The following CPEB3 variants were observed in gnomAD, a reference collection of about 807,000 sequenced individuals.
CPEB3 encodes cytoplasmic polyadenylation element-binding protein 3.
A neutral mutation model predicts 67.2 loss-of-function variants in CPEB3; 20 were observed. The ratio of observed to expected loss-of-function variants is 0.30; its 90% CI spans 0.21 to 0.43. The LOEUF (loss-of-function observed/expected upper bound fraction) is 0.43, where lower values mean the gene tolerates loss of function less well. Ranked by LOEUF, CPEB3 falls within the 20% of genes least tolerant of loss-of-function variation. The pLI is 1.00. For missense variants in CPEB3, 746 were observed against 968.6 expected, an observed-to-expected ratio of 0.77 and a Z score of 3.05; for synonymous variants, 376 against 393.1, an observed-to-expected ratio of 0.96 and a Z score of 0.51.
rs1443996026 is a variant in CPEB3 at position 92,049,441 on chromosome 10, T to C, written c.*2771A>G. 6.6e-6 allele frequency: 1 copy of C among 152,530 alleles called. No individual in the cohort carries two copies. The highest frequency in any genetic ancestry group is 1.9e-4 in the East Asian group (1 of 5,196). The allele number at this position is 152,530 out of a possible 1,614,324, so 9.4% of individuals were successfully genotyped here. The stretch of plus-strand genomic sequence containing the variant: ...TTTTTTGAAGGACCCTCTCTTTTAA[T>C]ATAACATTAACAACTTGGGGGCACA... On this transcript the variant is annotated 3_prime_UTR_variant, in exon 10 of 10. Transcript: ENST00000265997.
chr10:92,243,422 T>A (rs1267698716), intron 1 of CPEB3: 1 of 152,138 alleles, frequency 6.6e-6, no homozygotes, highest in Non-Finnish European at 1.5e-5. Context: ...GTGTCCTGAT[T>A]ACATTATATC....
At chr10:92,235,036 T>C (rs1851460790) in intron 2 of CPEB3, among the ~76,000 whole-genome samples, 2 of 152,244 alleles carry the variant, frequency 1.3e-5, no homozygotes, top group African/African-American at 4.8e-5. Context: ...TGTAAAGTGC[T>C]TGGCACAGGG....
intron 4 of CPEB3, among the ~76,000 whole-genome samples, chr10:92,155,718 T>G (rs372402718): frequency 2.0e-5 from 3 of 152,280 alleles, no homozygotes; most frequent in South Asian, 4.2e-4. Flanking sequence ...CATTTACACC[T>G]ATCAAACTGC....
At chr10:92,240,669 T>C (rs907326141) in intron 1 of CPEB3, among the ~76,000 whole-genome samples, 5 of 152,080 alleles carry the variant, frequency 3.3e-5, no homozygotes, top group African/African-American at 1.2e-4. Context: ...CCACGTCTCT[T>C]TTCCCTTCAC....
At chr10:92,179,331 C>T (rs768922965) in intron 4 of CPEB3, among the ~76,000 whole-genome samples, 3 of 152,144 alleles carry the variant, frequency 2.0e-5, no homozygotes, top group African/African-American at 4.8e-5. Flanking sequence ...TGTCTTTTAG[C>T]TCCATTTTTT....
intron 5 of CPEB3, 93 bp downstream of exon 5, chr10:92,144,852 A>G: frequency 9.0e-7 from 1 of 1,113,050 alleles, no homozygotes; most frequent in South Asian, 1.4e-5. Flanking sequence ...TAAGATATAG[A>G]TGTCCTAAAG....
chr10:92,056,718 CG>C (rs1564743715), intron 9 of CPEB3, among the ~76,000 whole-genome samples: 2 of 152,252 alleles, frequency 1.3e-5, no homozygotes, highest in Non-Finnish European at 2.9e-5. Flanking sequence ...ACAGTGGATT[CG>C]GGGGGCACGT....
intron 9 of CPEB3, among the ~76,000 whole-genome samples, chr10:92,054,254 C>A (rs1224055493): frequency 6.6e-6 from 1 of 151,794 alleles, no homozygotes; most frequent in Non-Finnish European, 1.5e-5. Context: ...GAGTTCAAGC[C>A]TGGCCTGAGC....
At chr10:92,209,273 C>T (rs1392529971) in intron 2 of CPEB3, among the ~76,000 whole-genome samples, 1 of 152,208 alleles carries the variant, frequency 6.6e-6, no homozygotes, top group African/African-American at 2.4e-5. Flanking sequence ...GCCTATAATC[C>T]CAGCATTCTG....
intron 3 of CPEB3, among the ~76,000 whole-genome samples, chr10:92,185,486 A>G (rs1327545878): frequency 6.6e-6 from 1 of 152,216 alleles, no homozygotes; most frequent in African/African-American, 2.4e-5. Context: ...ATAAAAAAAA[A>G]ACTATGTCTA....
intron 4 of CPEB3, among the ~76,000 whole-genome samples, chr10:92,157,588 A>T (rs954660684): frequency 1.3e-5 from 2 of 152,178 alleles, no homozygotes; most frequent in African/African-American, 4.8e-5. Context: ...AGAGGCTCTG[A>T]AACTTAAGCT....
At chr10:92,143,425 TAGAA>T (rs1186081001) in intron 5 of CPEB3, among the ~76,000 whole-genome samples, 1 of 152,180 alleles carries the variant, frequency 6.6e-6, no homozygotes, top group Non-Finnish European at 1.5e-5. Context: ...CTATGTCAAA[TAGAA>T]AGATTCTAAA....
At chr10:92,264,008 T>A (rs1852927005) in intron 1 of CPEB3, among the ~76,000 whole-genome samples, 1 of 152,078 alleles carries the variant, frequency 6.6e-6, no homozygotes, top group African/African-American at 2.4e-5. Context: ...ATCATTCTTC[T>A]CATTTTTCAG....
Position 92,239,355 on chromosome 10 carries a change from C to A in CPEB3, c.996G>T (p.Leu332Phe). 6.2e-7 allele frequency: 1 copy of A among 1,605,274 alleles called. No homozygotes were observed. The highest frequency in any genetic ancestry group is 8.5e-7 in the Non-Finnish European group (1 of 1,176,132). The change falls in exon 2 of 10, where the codon TTG (leucine) becomes TTT (phenylalanine). Residue 332 changes from leucine (L) to phenylalanine (F), a missense_variant. By Grantham distance (22) the Leu-to-Phe change is conservative (BLOSUM62 0). Around this residue, in one of 2 missense-constraint regions of CPEB3, gnomAD observed 643 missense variants for 717.5 expected, o/e 0.90. Transcript: ENST00000265997. The surrounding 1 kb of genome is among the most constrained non-coding windows in gnomAD (Gnocchi z 6.0). ...TGCAGCAGAGTATTACCTGAAATGGCAACAGATTGTTACCATTATCGGTCC... is the reference window on the plus strand; with the variant it reads ...TGCAGCAGAGTATTACCTGAAATGGAAACAGATTGTTACCATTATCGGTCC... ...AFRTDNGNNL[L>F]PFQDRSRPYD...
intron 7 of CPEB3, among the ~76,000 whole-genome samples, chr10:92,110,315 C>A (rs1363804719): frequency 6.6e-6 from 1 of 152,210 alleles, no homozygotes; most frequent in Non-Finnish European, 1.5e-5. Context: ...CCACATCTAG[C>A]ACCAAGCCTT....
chr10:92,158,834 A>C (rs557213498), intron 4 of CPEB3, among the ~76,000 whole-genome samples: 1 of 152,358 alleles, frequency 6.6e-6, no homozygotes, highest in East Asian at 1.9e-4. Context: ...ACATTGTTTA[A>C]TAGAGCTAGA....
intron 1 of CPEB3, among the ~76,000 whole-genome samples, chr10:92,276,572 C>A (rs992383368): frequency 6.6e-6 from 1 of 152,218 alleles, no homozygotes; most frequent in African/African-American, 2.4e-5. Context: ...AGCCACCATG[C>A]CTGGCCCATA....
chr10:92,092,591 C>A (rs761811267), intron 7 of CPEB3, among the ~76,000 whole-genome samples: 1 of 152,050 alleles, frequency 6.6e-6, no homozygotes, highest in Non-Finnish European at 1.5e-5. Context: ...ATCAGCCTGG[C>A]CAACATGGTG....
intron 4 of CPEB3, among the ~76,000 whole-genome samples, chr10:92,166,606 T>C (rs577123346): frequency 6.6e-6 from 1 of 152,328 alleles, no homozygotes; most frequent in African/African-American, 2.4e-5. Flanking sequence ...CAACAGTGGT[T>C]TTAAAATATT....
Sources: gnomAD v4.1 joint callset for allele counts (sites outside exome capture counted in the v4.1 genomes callset) on GRCh38, gnomAD v4.1.1 for gene constraint, gnomAD v4.1.1 regional missense constraint, Gnocchi (gnomAD v3.1) non-coding constraint, MANE v1.5 for transcripts, NCBI Gene and HGNC (gene_info 2026-07-23, HGNC 2026-07-21) for gene names.